The following SMIM10L3 variants were observed in gnomAD, a reference collection of about 807,000 sequenced individuals.
SMIM10L3 encodes the protein small integral membrane protein 10 like 3.
At chr7:6,336,880 C>G in the SMIM10L3 span, among the ~76,000 whole-genome samples, 9 of 152,148 alleles carry the variant, frequency 5.9e-5, no homozygotes, top group Non-Finnish European at 7.4e-5. Flanking sequence ...TCTTGAACTC[C>G]TGGGCTCAAG....
At chr7:6,344,565 T>G in the SMIM10L3 span, among the ~76,000 whole-genome samples, 1 of 151,710 alleles carries the variant, frequency 6.6e-6, no homozygotes, top group Non-Finnish European at 1.5e-5. Context: ...ACTATAGGCA[T>G]GCACCACCAC....
At chr7:6,331,372 A>G in the SMIM10L3 span, 1 of 608,510 alleles carries the variant, frequency 1.6e-6, no homozygotes, top group East Asian at 2.8e-5. Flanking sequence ...CATATTGGTA[A>G]GGCTGGTTTT....
the SMIM10L3 span, among the ~76,000 whole-genome samples, chr7:6,335,915 G>C: frequency 6.6e-6 from 1 of 152,068 alleles, no homozygotes; most frequent in African/African-American, 2.4e-5. Flanking sequence ...GCTCACACCT[G>C]TAATCCCAGC....
At chr7:6,348,210 C>G in the SMIM10L3 span, among the ~76,000 whole-genome samples, 2 of 141,548 alleles carry the variant, frequency 1.4e-5, no homozygotes, top group Admixed American at 1.5e-4. Context: ...CCGGCCGAGA[C>G]CCGTCTTTAC....
the SMIM10L3 span, among the ~76,000 whole-genome samples, chr7:6,335,632 G>A: frequency 6.6e-6 from 1 of 152,094 alleles, no homozygotes; most frequent in Non-Finnish European, 1.5e-5. Flanking sequence ...ATCATATTCT[G>A]AGTGAGCAAA....
At chr7:6,338,580 C>G in the SMIM10L3 span, 2 of 152,322 alleles carry the variant, frequency 1.3e-5, no homozygotes, top group Admixed American at 1.3e-4. Context: ...AGGGAGGTCA[C>G]AGGGGCGCCG....
At chr7:6,334,542 A>G in the SMIM10L3 span, among the ~76,000 whole-genome samples, 1 of 152,058 alleles carries the variant, frequency 6.6e-6, no homozygotes, top group Non-Finnish European at 1.5e-5. Context: ...ATCACAGCTT[A>G]CTGCAAACTC....
At chr7:6,342,166 A>C in the SMIM10L3 span, among the ~76,000 whole-genome samples, 1 of 151,986 alleles carries the variant, frequency 6.6e-6, no homozygotes. Flanking sequence ...TCTCTTCTTA[A>C]AGCTTCATTT....
the SMIM10L3 span, among the ~76,000 whole-genome samples, chr7:6,335,894 C>T: frequency 6.6e-5 from 10 of 151,510 alleles, no homozygotes; most frequent in East Asian, 3.9e-4. Flanking sequence ...AAAGAGTGGC[C>T]GGGAGCAGTG....
At chr7:6,334,074 C>A in the SMIM10L3 span, among the ~76,000 whole-genome samples, 1 of 151,220 alleles carries the variant, frequency 6.6e-6, no homozygotes, top group Non-Finnish European at 1.5e-5. Context: ...AATCTATCTC[C>A]TGACCTCGTG....
the SMIM10L3 span, among the ~76,000 whole-genome samples, chr7:6,347,021 C>T: frequency 9.5e-4 from 145 of 152,268 alleles, 1 homozygote; most frequent in East Asian, 1.7e-3. Context: ...ACAACCTTTC[C>T]TTCCACTAGA....
the SMIM10L3 span, chr7:6,329,611 AGAC>A: frequency 1.9e-5 from 3 of 159,872 alleles, no homozygotes; most frequent in Non-Finnish European, 4.4e-5. Flanking sequence ...AGTTATCAAC[AGAC>A]GACAACAGGA....
the SMIM10L3 span, among the ~76,000 whole-genome samples, chr7:6,347,030 G>C: frequency 1.8e-4 from 28 of 152,136 alleles, no homozygotes; most frequent in Non-Finnish European, 3.7e-4. Flanking sequence ...CCTTCCACTA[G>C]AAAAAGTCAT....
the SMIM10L3 span, chr7:6,330,948 C>A: frequency 1.2e-6 from 2 of 1,614,246 alleles, no homozygotes; most frequent in South Asian, 2.2e-5. Context: ...CAGCCCCGCT[C>A]GGATCCTTTC....
the SMIM10L3 span, among the ~76,000 whole-genome samples, chr7:6,347,882 C>CA: frequency 6.8e-3 from 629 of 92,076 alleles, 5 homozygotes; most frequent in African/African-American, 0.024. Flanking sequence ...AACGAGACCC[C>CA]TTTATTATTA....
chr7:6,342,438 G>A, the SMIM10L3 span, among the ~76,000 whole-genome samples: 2 of 151,618 alleles, frequency 1.3e-5, no homozygotes, highest in Non-Finnish European at 2.9e-5. Context: ...CCAGCTACTC[G>A]GGAGGCAGGA....
chr7:6,336,039 G>C, the SMIM10L3 span, among the ~76,000 whole-genome samples: 3 of 151,944 alleles, frequency 2.0e-5, no homozygotes, highest in African/African-American at 4.8e-5. Context: ...GGGGCATGGT[G>C]GTGCACACCT....
chr7:6,345,116 CTTG>C, the SMIM10L3 span, among the ~76,000 whole-genome samples: 4 of 150,798 alleles, frequency 2.7e-5, no homozygotes, highest in Admixed American at 6.6e-5. Context: ...ATGTGTTTTT[CTTG>C]TTGTTGTTTA....
the SMIM10L3 span, chr7:6,331,221 G>C: frequency 1.4e-6 from 2 of 1,470,608 alleles, no homozygotes; most frequent in Non-Finnish European, 1.8e-6. Flanking sequence ...GCCTTCAATG[G>C]ATCTCAATAT....
Sources: allele counts gnomAD v4.1 joint callset (sites outside exome capture counted in the v4.1 genomes callset), GRCh38; gene constraint gnomAD v4.1.1; transcripts MANE v1.5; gene names NCBI Gene and HGNC (gene_info 2026-07-23, HGNC 2026-07-21).